Variants in USP43 observed in about 807,000 individuals in gnomAD.
USP43 encodes ubiquitin specific peptidase 43.
USP43 carries 33 observed loss-of-function variants against 90.7 expected under a neutral mutation model. The observed-to-expected ratio is 0.36, with a 90% confidence interval of 0.28 to 0.49. The LOEUF is 0.49. USP43 is among the 20% of genes least tolerant of loss of function. USP43 has a pLI of 0.98. For synonymous variants in USP43, 598 were observed against 615.8 expected (o/e 0.97, Z 0.43); for missense variants, 1,274 against 1,476.4 (o/e 0.86, Z 2.25).
intron 9 of USP43, among the ~76,000 whole-genome samples, chr17:9,694,341 G>T (rs554345033): frequency 1.5e-3 from 225 of 152,296 alleles, no homozygotes; most frequent in African/African-American, 5.3e-3. Context: ...GAAGGCAGGA[G>T]AAGGGTCATC....
chr17:9,710,253 C>A, intron 13 of USP43, 139 bp downstream of exon 13: 3 of 969,000 alleles, frequency 3.1e-6, no homozygotes, highest in Non-Finnish European at 4.1e-6. Context: ...GCTGTAGAAA[C>A]CTGAGCTGCA....
intron 14 of USP43, among the ~76,000 whole-genome samples, chr17:9,718,340 A>G (rs1916727449): frequency 1.3e-5 from 2 of 152,278 alleles, no homozygotes. Flanking sequence ...CTGGTTACAT[A>G]TTTGTGAGTG....
intron 12 of USP43, among the ~76,000 whole-genome samples, chr17:9,702,971 G>C (rs1915661855): frequency 6.6e-6 from 1 of 152,198 alleles, no homozygotes; most frequent in Non-Finnish European, 1.5e-5. Context: ...GCCGCTTTCA[G>C]CTGACAGTGG....
intron 14 of USP43, among the ~76,000 whole-genome samples, chr17:9,720,072 AAAAG>A (rs1308156843): frequency 1.3e-5 from 2 of 151,772 alleles, no homozygotes; most frequent in African/African-American, 2.4e-5. Flanking sequence ...GTCTCAAAAA[AAAAG>A]AAAGACTAGG....
chr17:9,706,779 G>T (rs1189595220), intron 12 of USP43, among the ~76,000 whole-genome samples: 1 of 151,684 alleles, frequency 6.6e-6, no homozygotes, highest in Non-Finnish European at 1.5e-5. Context: ...GAGTAGCTGG[G>T]ACTACAGGCG....
chr17:9,670,679 T>C (rs1251602803), intron 3 of USP43, among the ~76,000 whole-genome samples: 2 of 152,246 alleles, frequency 1.3e-5, no homozygotes, highest in East Asian at 3.9e-4. Flanking sequence ...TTGAAGTACA[T>C]GCCTGACTTG....
chr17:9,649,512 G>A (rs183759447), intron 1 of USP43, among the ~76,000 whole-genome samples: 9 of 151,844 alleles, frequency 5.9e-5, no homozygotes, highest in South Asian at 2.1e-4. Context: ...GAAGGTTTTC[G>A]GCCCTTGTCC....
At chr17:9,652,624 A>G (rs954485977) in intron 1 of USP43, among the ~76,000 whole-genome samples, 27 of 151,910 alleles carry the variant, frequency 1.8e-4, no homozygotes, top group African/African-American at 6.3e-4. Flanking sequence ...GCTCCCCACA[A>G]TGCTGGGATT....
intron 14 of USP43, among the ~76,000 whole-genome samples, chr17:9,719,765 C>T (rs925197103): frequency 3.3e-5 from 5 of 152,086 alleles, no homozygotes; most frequent in South Asian, 2.1e-4. Context: ...AGTTCTGAGA[C>T]GGTTGAAAAA....
At chr17:9,711,821 T>C in intron 13 of USP43, 147 bp from the exon 14 acceptor site, 1 of 880,422 alleles carries the variant, frequency 1.1e-6, no homozygotes, top group South Asian at 3.2e-5. Context: ...CCTCTCCTTG[T>C]TGACAGGTTT....
In USP43 at chr17:9,676,729, C is replaced by T. The variant is rs746765850; in HGVS notation, c.834-17C>T. 2.5e-6 allele frequency: 4 copies of T among 1,610,694 alleles called. No individual in the cohort carries two copies. In the African/African-American group the frequency reaches 4.0e-5, roughly 16 times the overall value. On this transcript the variant is annotated splice_polypyrimidine_tract_variant and intron_variant, in intron 4 of 14. Transcript: ENST00000285199. Reference sequence around the variant, plus strand: ...CATGTCAGTCCTTTAAGGGTGTTGCCCCTTCCTATTTTCCAGGTTCTTGAG... The same window carrying T: ...CATGTCAGTCCTTTAAGGGTGTTGCTCCTTCCTATTTTCCAGGTTCTTGAG...
At position 9,728,210 on chromosome 17, in the gene USP43, A is replaced by G; in HGVS notation, c.2592A>G (p.Ala864=). Residue 864 remains alanine (A), a synonymous_variant, in exon 15 of 15, where the codon GCA becomes GCG. Coordinates refer to ENST00000285199, the MANE Select transcript of USP43 (RefSeq NM_153210.5). The surrounding 1 kb of genome is among the most constrained non-coding windows in gnomAD (Gnocchi z 6.2). ...CTGCGGGTGAGGATGAGAAGTCAGC[A>G]TCGCCGAGGTCCAACGTCGCCCTTC... ...TGTAGEDEKS[A]SPRSNVALPA... 2 of 1,613,948 alleles carry G rather than the reference A, an allele frequency of 1.2e-6. No homozygotes were observed. Among genetic ancestry groups the G allele is most frequent in the Non-Finnish European group, 8.5e-7 (1 of 1,179,886 alleles).
rs112760323 is a variant in USP43 at position 9,664,000 on chromosome 17, C to A, written c.637-2648C>A. Among the ~76,000 whole-genome samples the A allele has an allele frequency of 3.3e-3, 499 of 152,322 alleles. 2 individuals are homozygous for A. Among genetic ancestry groups the A allele is most frequent in the Non-Finnish European group, 5.1e-3 (346 of 68,032 alleles). ...GTCTCTGTTAGGACATAGAAGCCCC[C>A]ACCCACTGTGGCACCAGACTCACTT... On this transcript the variant is annotated intron_variant, in intron 2 of 14. Coordinates refer to ENST00000285199, the MANE Select transcript of USP43 (RefSeq NM_153210.5).
chr17:9,671,322 A>G (rs1334366357), intron 3 of USP43, among the ~76,000 whole-genome samples: 1 of 152,086 alleles, frequency 6.6e-6, no homozygotes, highest in East Asian at 1.9e-4. Flanking sequence ...CATGTCCTTC[A>G]TAGCCTTTAT....
At chr17:9,672,509 A>G (rs1913505828) in intron 3 of USP43, among the ~76,000 whole-genome samples, 1 of 152,100 alleles carries the variant, frequency 6.6e-6, no homozygotes, top group Admixed American at 6.6e-5. Flanking sequence ...ATTCTCTCTC[A>G]TTGGTTTATA....
intron 2 of USP43, among the ~76,000 whole-genome samples, chr17:9,657,692 A>G (rs1296008328): frequency 6.6e-6 from 1 of 151,868 alleles, no homozygotes; most frequent in African/African-American, 2.4e-5. Flanking sequence ...AACAGCCCTT[A>G]TAAAACCATC....
At chr17:9,697,660 G>A (rs978681261) in intron 9 of USP43, among the ~76,000 whole-genome samples, 3 of 146,758 alleles carry the variant, frequency 2.0e-5, no homozygotes, top group South Asian at 2.2e-4. Flanking sequence ...CAAAGAAACA[G>A]GAATTCTTTT....
chr17:9,668,407 A>G (rs73255747), intron 3 of USP43, among the ~76,000 whole-genome samples: 2,619 of 152,346 alleles, frequency 0.017, 62 homozygotes, highest in African/African-American at 0.057. Context: ...ATCCTGATTT[A>G]GGATTCATGT....
In USP43 at chr17:9,697,417, A is replaced by G. The variant is rs151315796; in HGVS notation, c.1458-2755A>G. The stretch of plus-strand genomic sequence containing the variant: ...ATGTAACACTGGAGTTTGCATTTCT[A>G]TATAACCCATCACTCAAATAGTGAG... On this transcript the variant is annotated intron_variant, in intron 9 of 14. Transcript: ENST00000285199. Among the ~76,000 whole-genome samples the G allele has an allele frequency of 7.6e-3, 1,159 of 151,960 alleles. 20 individuals are homozygous for G. Among genetic ancestry groups the G allele is most frequent in the African/African-American group, 0.026 (1,057 of 41,450 alleles).
Sources: allele counts gnomAD v4.1 joint callset (sites outside exome capture counted in the v4.1 genomes callset), GRCh38; gene constraint gnomAD v4.1.1; non-coding constraint Gnocchi (gnomAD v3.1); transcripts MANE v1.5; gene names NCBI Gene and HGNC (gene_info 2026-07-23, HGNC 2026-07-21).